Variants in TRPM6 observed in about 807,000 individuals in gnomAD.
The protein encoded by TRPM6 is transient receptor potential cation channel subfamily M member 6, also known as channel kinase 2.
TRPM6 carries 111 observed loss-of-function variants against 247.6 expected under a neutral mutation model. That is an observed-to-expected ratio of 0.45 (90% CI 0.38 to 0.52). The LOEUF (loss-of-function observed/expected upper bound fraction) is 0.52, where lower values mean the gene tolerates loss of function less well. Among genes scored for constraint, TRPM6 ranks in the 20% least tolerant of loss-of-function variants. The pLI, the probability that TRPM6 is intolerant of heterozygous loss-of-function variation, is 0.00. For synonymous variants in TRPM6, 892 were observed against 853.8 expected, an observed-to-expected ratio of 1.04 and a Z score of -0.78; for missense variants, 2,126 against 2,421.5, an observed-to-expected ratio of 0.88 and a Z score of 2.56.
intron 1 of TRPM6, among the ~76,000 whole-genome samples, chr9:74,882,385 T>C (rs1489447893): frequency 6.6e-6 from 1 of 152,006 alleles, no homozygotes; most frequent in Non-Finnish European, 1.5e-5. Context: ...TCCAGAATAT[T>C]AAAAGAACTC....
intron 2 of TRPM6, among the ~76,000 whole-genome samples, chr9:74,855,892 A>G (rs1830507220): frequency 6.6e-6 from 1 of 152,192 alleles, no homozygotes; most frequent in South Asian, 2.1e-4. Flanking sequence ...AGAGATAATA[A>G]TATGTAATGT....
At chr9:74,836,662 T>C (rs1829733454) in intron 5 of TRPM6, among the ~76,000 whole-genome samples, 1 of 152,246 alleles carries the variant, frequency 6.6e-6, no homozygotes, top group Non-Finnish European at 1.5e-5. Flanking sequence ...CATCCTGCTG[T>C]TCAAATTCCT....
rs1828285449 is a variant in TRPM6, at chr9:74,800,459, T to A, written c.2033A>T (p.Asp678Val). Reference sequence around the variant, plus strand: ...CTGCTTGAATGCCTTCTCCAACAAGTCCAGAGCCAGCTGGCCAAACTGTCT... The same window carrying A: ...CTGCTTGAATGCCTTCTCCAACAAGACCAGAGCCAGCTGGCCAAACTGTCT... ...YSKQFGQLAL[D>V]LLEKAFKQNE... The change falls in exon 17 of 39, where the codon GAC (aspartate) becomes GTC (valine). Residue 678 changes from aspartate (D) to valine (V), a missense_variant. Asp to Val is a radical substitution (Grantham distance 152). Around this residue, in one of 3 missense-constraint regions of TRPM6, gnomAD observed 1,082 missense variants for 1,307.9 expected, o/e 0.83. Coordinates refer to ENST00000360774, the MANE Select transcript of TRPM6 (RefSeq NM_017662.5). 3 of 1,613,810 alleles carry A rather than the reference T, an allele frequency of 1.9e-6. No homozygotes were observed. The highest frequency in any genetic ancestry group is 2.2e-5 in the South Asian group (2 of 91,066).
At chr9:74,861,315 T>C (rs185447874) in intron 1 of TRPM6, among the ~76,000 whole-genome samples, 1 of 152,264 alleles carries the variant, frequency 6.6e-6, no homozygotes, top group Admixed American at 6.5e-5. Context: ...AAGTTCCTGC[T>C]CTCAAGGAAG....
chr9:74,817,004 C>T lies in TRPM6; in HGVS notation c.1135-40G>A, dbSNP rs376176588. On this transcript the variant is annotated intron_variant, in intron 9 of 38. Coordinates refer to ENST00000360774, the MANE Select transcript of TRPM6 (RefSeq NM_017662.5). ...AACAGAGAGCCATACATTTGGGGAACTACCAAATAAATGCTTTCAAAGAGT... is the reference window on the plus strand; with the variant it reads ...AACAGAGAGCCATACATTTGGGGAATTACCAAATAAATGCTTTCAAAGAGT... The T allele has an allele frequency of 4.0e-5, 61 of 1,518,738 alleles. 1 individual carries two copies. The South Asian group carries it at 6.5e-4, about 16-fold the overall frequency. 94.1% of individuals were successfully genotyped at this position (1,518,738 alleles called of 1,614,324 possible).
At position 74,807,028 on chromosome 9, in the gene TRPM6, T is replaced by C. The variant is rs537945375; in HGVS notation, c.1638+1006A>G. 4.5e-4 allele frequency among the ~76,000 whole-genome samples: 68 copies of C among 152,372 alleles called. No homozygotes were observed. The Middle Eastern group carries it at 0.01, about 23-fold the overall frequency. On this transcript the variant is annotated intron_variant, in intron 14 of 38. Coordinates refer to ENST00000360774, the MANE Select transcript of TRPM6 (RefSeq NM_017662.5). ...ACCTCACAGCAATGTCTGTTCTGTT[T>C]AAATGAAGTAGCTGATACCTCCTTA...
At chr9:74,882,569 C>A (rs925342978) in intron 1 of TRPM6, among the ~76,000 whole-genome samples, 1 of 152,174 alleles carries the variant, frequency 6.6e-6, no homozygotes, top group Non-Finnish European at 1.5e-5. Flanking sequence ...GATATCATCT[C>A]GCTCCAGTTA....
intron 31 of TRPM6, among the ~76,000 whole-genome samples, chr9:74,746,675 TA>T (rs1563994670): frequency 3.9e-5 from 6 of 152,290 alleles, no homozygotes; most frequent in African/African-American, 1.2e-4. Flanking sequence ...ATAATTCTGA[TA>T]GAAACATAGG....
intron 3 of TRPM6, among the ~76,000 whole-genome samples, chr9:74,852,311 T>A (rs1230099553): frequency 6.6e-6 from 1 of 151,618 alleles, no homozygotes; most frequent in Non-Finnish European, 1.5e-5. Flanking sequence ...CCAGCCTCAA[T>A]CTCCTGAGTA....
intron 19 of TRPM6, among the ~76,000 whole-genome samples, 176 bp from the exon 20 acceptor site, chr9:74,788,918 T>C (rs1827793450): frequency 6.6e-6 from 1 of 152,210 alleles, no homozygotes; most frequent in Non-Finnish European, 1.5e-5. Flanking sequence ...CAACAATCCA[T>C]GGTGTTCTAG....
intron 5 of TRPM6, among the ~76,000 whole-genome samples, chr9:74,839,110 CAA>C (rs1041936045): frequency 3.7e-4 from 23 of 62,972 alleles, no homozygotes; most frequent in East Asian, 6.0e-4. Context: ...GACTTCATCT[CAA>C]AAAAAAAAAA....
Position 74,817,050 on chromosome 9 carries a change from A to T in TRPM6, c.1135-86T>A. On this transcript the variant is annotated intron_variant, in intron 9 of 38. Transcript: ENST00000360774. Reference sequence around the variant, plus strand: ...AGAGTACCCACAGAATTCAGACTGGAGCTAATGAATTGAGGAAAACATTCT... The same window carrying T: ...AGAGTACCCACAGAATTCAGACTGGTGCTAATGAATTGAGGAAAACATTCT... 8.4e-6 allele frequency: 10 copies of T among 1,184,378 alleles called. 1 individual carries two copies. In the South Asian group the frequency reaches 1.1e-4, roughly 13 times the overall value. 73.4% of individuals were successfully genotyped at this position (1,184,378 alleles called of 1,614,324 possible).
In TRPM6 at chr9:74,771,504, T is replaced by A. The variant is rs370962012; in HGVS notation, c.3536+199A>T. Reference sequence around the variant, plus strand: ...TGTCTTATTAACCACTTATTCCTAGTAACTAAAAGAGTGCCTGGAATATAG... The same window carrying A: ...TGTCTTATTAACCACTTATTCCTAGAAACTAAAAGAGTGCCTGGAATATAG... On this transcript the variant is annotated intron_variant, in intron 25 of 38. Transcript: ENST00000360774. Among the ~76,000 whole-genome samples, 6 of 152,372 alleles carry A rather than the reference T, an allele frequency of 3.9e-5. No individual in the cohort carries two copies. The South Asian group carries it at 8.3e-4, about 21-fold the overall frequency.
In TRPM6 at chr9:74,784,444, C is replaced by T. The variant is rs544090887; in HGVS notation, c.2919+1430G>A. Among the ~76,000 whole-genome samples, 19 of 152,178 alleles carry T rather than the reference C, an allele frequency of 1.2e-4. No homozygotes were observed. The South Asian group carries it at 3.9e-3, about 32-fold the overall frequency. On this transcript the variant is annotated intron_variant, in intron 21 of 38. Coordinates refer to ENST00000360774, the MANE Select transcript of TRPM6 (RefSeq NM_017662.5). The stretch of plus-strand genomic sequence containing the variant: ...ATGTAAATGTGTATAATAATACTAC[C>T]TATCTCCTAAAGTTGTTACTAAGAT...
At chr9:74,831,433 T>C (rs1829543253) in intron 6 of TRPM6, among the ~76,000 whole-genome samples, 1 of 152,048 alleles carries the variant, frequency 6.6e-6, no homozygotes, top group African/African-American at 2.4e-5. Flanking sequence ...GAGGTTGCAG[T>C]GAGCTGAGAT....
At chr9:74,753,080 T>A (rs1826307306) in intron 28 of TRPM6, among the ~76,000 whole-genome samples, 2 of 131,470 alleles carry the variant, frequency 1.5e-5, no homozygotes, top group Admixed American at 1.8e-4. Flanking sequence ...GCCACTGCAC[T>A]CCAGCCTGAG....
In TRPM6 at chr9:74,840,083, C is replaced by T; in HGVS notation, c.485G>A (p.Gly162Asp). 2 of 1,614,126 alleles carry T rather than the reference C, an allele frequency of 1.2e-6. No individual in the cohort carries two copies. Among genetic ancestry groups the T allele is most frequent in the Non-Finnish European group, 1.7e-6 (2 of 1,180,030 alleles). Reference sequence around the variant, plus strand: ...TGTTGTCTCTGCAGCTTTAACCAAACCTTGGCTGAAAATCTCTTTAAATTT... The same window carrying T: ...TGTTGTCTCTGCAGCTTTAACCAAATCTTGGCTGAAAATCTCTTTAAATTT... ...PSKFKEIFSQ[G>D]LVKAAETTGA... The change falls in exon 5 of 39, where the codon GGT becomes GAT. Residue 162 changes from glycine to aspartate, a missense_variant. By Grantham distance (94) the Gly-to-Asp change is moderately conservative. This residue lies in a region of TRPM6 where 1,082 missense variants were observed against 1,307.9 expected (regional missense o/e 0.83). Transcript: ENST00000360774.
At chr9:74,836,120 C>T (rs1829712376) in intron 5 of TRPM6, among the ~76,000 whole-genome samples, 1 of 152,160 alleles carries the variant, frequency 6.6e-6, no homozygotes, top group Middle Eastern at 3.2e-3. Context: ...GCTCTGCCTA[C>T]TCATCCCTCT....
chr9:74,801,295 G>C (rs1387394813), intron 16 of TRPM6, among the ~76,000 whole-genome samples: 1 of 121,058 alleles, frequency 8.3e-6, no homozygotes, highest in Non-Finnish European at 1.6e-5. Context: ...GTCTCACTCT[G>C]TCGCCAGGCT....
Sources: gnomAD v4.1 joint callset for allele counts (sites outside exome capture counted in the v4.1 genomes callset) on GRCh38, gnomAD v4.1.1 for gene constraint, gnomAD v4.1.1 regional missense constraint, MANE v1.5 for transcripts, NCBI Gene and HGNC (gene_info 2026-07-23, HGNC 2026-07-21) for gene names.